CEP135: variants seen among roughly 807,000 people sequenced by gnomAD.
CEP135 encodes centrosomal protein of 135 kDa.
CEP135 carries 142 observed loss-of-function variants against 157.3 expected under a neutral mutation model. That is an observed-to-expected ratio of 0.90 (90% confidence interval 0.79 to 1.04). The LOEUF (loss-of-function observed/expected upper bound fraction) is 1.04. Among genes scored for constraint, CEP135 ranks in the 50% least tolerant of loss-of-function variants. CEP135 has a pLI of 0.00. For synonymous variants in CEP135, 396 were observed against 439.8 expected (o/e 0.90, Z 1.25); for missense variants, 1,317 against 1,309.2 (o/e 1.01, Z -0.09).
At chr4:55,969,178 T>C in intron 9 of CEP135, 50 bp downstream of exon 9, 1 of 1,493,938 alleles carries the variant, frequency 6.7e-7, no homozygotes, top group South Asian at 1.1e-5. Context: ...AGAAAATTTT[T>C]ATGGGAGACT....
intron 17 of CEP135, among the ~76,000 whole-genome samples, chr4:56,003,550 G>C (rs1730251372): frequency 6.6e-6 from 1 of 151,948 alleles, no homozygotes; most frequent in South Asian, 2.1e-4. Flanking sequence ...TTTTTGCTCT[G>C]ATCTTTATTC....
chr4:56,018,127 C>G (rs944591666), intron 22 of CEP135, among the ~76,000 whole-genome samples: 1 of 151,998 alleles, frequency 6.6e-6, no homozygotes, highest in African/African-American at 2.4e-5. Flanking sequence ...TTGCAGGCAT[C>G]TGCTAACACA....
chr4:55,954,260 C>G lies in CEP135; in HGVS notation c.349C>G (p.Leu117Val). ...LKKCARETAD[L>V]KFLNNQYAHK... ...GAAATGTGCACGTGAAACAGCTGAT[C>G]TGAAATTTCTGAATAACCAATATGC... Residue 117 changes from leucine to valine, a missense_variant, in exon 4 of 26, where the codon CTG becomes GTG. Leu to Val is a conservative substitution (Grantham distance 32). Transcript: ENST00000257287. 6.2e-7 allele frequency: 1 copy of G among 1,604,998 alleles called. No individual in the cohort carries two copies. The highest frequency in any genetic ancestry group is 8.5e-7 in the Non-Finnish European group (1 of 1,176,200).
At chr4:56,030,635 T>A (rs1293559161) in intron 25 of CEP135, among the ~76,000 whole-genome samples, 2 of 151,928 alleles carry the variant, frequency 1.3e-5, no homozygotes, top group Non-Finnish European at 2.9e-5. Context: ...TGTATTTTTT[T>A]ATAGATACTG....
intron 5 of CEP135, 105 bp from the exon 6 acceptor site, chr4:55,959,577 G>T (rs193216941): frequency 4.3e-6 from 4 of 939,018 alleles, no homozygotes; most frequent in Non-Finnish European, 6.7e-6. Context: ...CTACCTGTTT[G>T]AGAAGCTGAA....
At chr4:56,022,499 G>A (rs1043577508) in intron 24 of CEP135, among the ~76,000 whole-genome samples, 50 of 152,134 alleles carry the variant, frequency 3.3e-4, no homozygotes, top group Non-Finnish European at 5.9e-5. Flanking sequence ...TTCATGGGAT[G>A]GAGGGATAAT....
At chr4:56,023,685 CATAAT>C (rs1203327982) in intron 24 of CEP135, among the ~76,000 whole-genome samples, 3 of 136,690 alleles carry the variant, frequency 2.2e-5, no homozygotes, top group African/African-American at 5.3e-5. Context: ...ATATATATCA[CATAAT>C]ATATATATAA....
intron 17 of CEP135, among the ~76,000 whole-genome samples, chr4:56,007,952 C>T (rs1346120044): frequency 6.6e-6 from 1 of 151,988 alleles, no homozygotes; most frequent in Non-Finnish European, 1.5e-5. Flanking sequence ...CATTTTAGAC[C>T]CAGAAGTTTC....
intron 18 of CEP135, 101 bp from the exon 19 acceptor site, chr4:56,009,631 CAGT>C (rs1730496253): frequency 1.1e-6 from 1 of 951,464 alleles, no homozygotes; most frequent in Non-Finnish European, 1.5e-6. Context: ...CTTATAATCA[CAGT>C]ATATTTGTAT....
At chr4:55,981,428 G>A (rs1226298097) in intron 13 of CEP135, 49 bp downstream of exon 13, 1 of 1,510,370 alleles carries the variant, frequency 6.6e-7, no homozygotes, top group East Asian at 2.4e-5. Context: ...AGAAAAAGAG[G>A]TCTTTGTATA....
intron 25 of CEP135, among the ~76,000 whole-genome samples, chr4:56,025,906 T>TA (rs1187040532): frequency 1.0e-3 from 128 of 126,216 alleles, no homozygotes; most frequent in Admixed American, 1.3e-3. Context: ...TGCATGAAAA[T>TA]CAAAAAAAAA....
chr4:55,981,537 G>A lies in CEP135; in HGVS notation c.1779+158G>A, dbSNP rs1262540912. On this transcript the variant is annotated intron_variant, in intron 13 of 25. Transcript: ENST00000257287. Reference sequence around the variant, plus strand: ...GGATTAAGAAGAATATTTCATTGTTGATAAAATGTTATTGGATTACCTTGC... The same window carrying A: ...GGATTAAGAAGAATATTTCATTGTTAATAAAATGTTATTGGATTACCTTGC... Among the ~76,000 whole-genome samples the A allele has an allele frequency of 2.0e-5, 3 of 152,224 alleles. No individual in the cohort carries two copies. The East Asian group carries it at 5.8e-4, about 29-fold the overall frequency.
In CEP135 at chr4:55,981,384, G is replaced by A; in HGVS notation, c.1779+5G>A. Reference sequence around the variant, plus strand: ...GCTTTAAGAGAAAAATTAGAGGTAAGAAGATTGACATGTTTTTGAAAGGTA... The same window carrying A: ...GCTTTAAGAGAAAAATTAGAGGTAAAAAGATTGACATGTTTTTGAAAGGTA... On this transcript the variant is annotated splice_donor_5th_base_variant and intron_variant, in intron 13 of 25. Coordinates refer to ENST00000257287, the MANE Select transcript of CEP135 (RefSeq NM_025009.5). The A allele has an allele frequency of 6.4e-7, 1 of 1,565,760 alleles. No individual in the cohort carries two copies. Among genetic ancestry groups the A allele is most frequent in the Non-Finnish European group, 8.6e-7 (1 of 1,164,904 alleles).
intron 24 of CEP135, among the ~76,000 whole-genome samples, chr4:56,022,440 G>A (rs913968217): frequency 6.6e-6 from 1 of 152,120 alleles, no homozygotes; most frequent in East Asian, 1.9e-4. Flanking sequence ...TTAGTAGAAT[G>A]GTTTATGTCC....
chr4:55,962,275 A>AT (rs1242131523), intron 6 of CEP135, among the ~76,000 whole-genome samples: 11 of 151,770 alleles, frequency 7.2e-5, no homozygotes, highest in Non-Finnish European at 1.6e-4. Context: ...AATTGTTTGT[A>AT]TTTTTTAGTA....
At chr4:55,958,955 T>C (rs901482183) in intron 5 of CEP135, among the ~76,000 whole-genome samples, 3 of 152,142 alleles carry the variant, frequency 2.0e-5, no homozygotes, top group African/African-American at 4.8e-5. Flanking sequence ...TGTGGTGGCA[T>C]GTGCCTGTGG....
intron 11 of CEP135, among the ~76,000 whole-genome samples, chr4:55,979,912 A>G (rs1055455959): frequency 2.2e-4 from 33 of 152,348 alleles, no homozygotes; most frequent in African/African-American, 7.7e-4. Flanking sequence ...ATCAAGTCAC[A>G]TCATTGGCAG....
At chr4:56,023,234 A>G (rs1024854958) in intron 24 of CEP135, among the ~76,000 whole-genome samples, 1 of 149,134 alleles carries the variant, frequency 6.7e-6, no homozygotes, top group Non-Finnish European at 1.5e-5. Context: ...AAAAAAAAAG[A>G]GAGAATTAGT....
At position 55,962,337 on chromosome 4, in the gene CEP135, T is replaced by C. The variant is rs566076125; in HGVS notation, c.700-1937T>C. Reference sequence around the variant, plus strand: ...GGATGGTATCGATCTCCTGACCTTGTGATCCTCTCACCTCGGCCTCCCAAA... The same window carrying C: ...GGATGGTATCGATCTCCTGACCTTGCGATCCTCTCACCTCGGCCTCCCAAA... On this transcript the variant is annotated intron_variant, in intron 6 of 25. Coordinates refer to ENST00000257287, the MANE Select transcript of CEP135 (RefSeq NM_025009.5). Among the ~76,000 whole-genome samples, 10 of 152,268 alleles carry C rather than the reference T, an allele frequency of 6.6e-5. No individual in the cohort carries two copies. In the East Asian group the frequency reaches 1.4e-3, roughly 21 times the overall value.
Sources: allele counts gnomAD v4.1 joint callset (sites outside exome capture counted in the v4.1 genomes callset), GRCh38; gene constraint gnomAD v4.1.1; transcripts MANE v1.5; gene names NCBI Gene and HGNC (gene_info 2026-07-23, HGNC 2026-07-21).